ANO3: variants seen among roughly 807,000 people sequenced by gnomAD.
The protein encoded by ANO3 is anoctamin-3.
In ANO3, 99 loss-of-function variants were observed where a neutral mutation model predicts 144.8. That is an observed-to-expected ratio of 0.68 (90% CI 0.58 to 0.81). The LOEUF is 0.81. ANO3 is among the 30% of genes least tolerant of loss of function. The pLI is 0.00. For synonymous variants in ANO3, 414 were observed against 392.6 expected, an observed-to-expected ratio of 1.05 and a Z score of -0.64; for missense variants, 905 against 1,202.2, an observed-to-expected ratio of 0.75 and a Z score of 3.66.
At chr11:26,392,682 A>T (rs1311114193) in intron 1 of ANO3, among the ~76,000 whole-genome samples, 1 of 152,122 alleles carries the variant, frequency 6.6e-6, no homozygotes, top group African/African-American at 2.4e-5. Flanking sequence ...CTATAAAATG[A>T]CCTTTATCTT....
At chr11:26,647,915 T>A in intron 24 of ANO3, 59 bp downstream of exon 24, 3 of 1,512,430 alleles carry the variant, frequency 2.0e-6, no homozygotes, top group Non-Finnish European at 2.7e-6. Flanking sequence ...TAAAATAGGA[T>A]CTTACTGGGA....
At chr11:26,480,044 G>C (rs1384112821) in intron 4 of ANO3, among the ~76,000 whole-genome samples, 3 of 152,168 alleles carry the variant, frequency 2.0e-5, no homozygotes, top group Non-Finnish European at 2.9e-5. Context: ...ATGTGCAGGG[G>C]CCAAAGCAAG....
intron 17 of ANO3, among the ~76,000 whole-genome samples, chr11:26,613,103 C>T (rs1473053180): frequency 6.6e-6 from 1 of 152,068 alleles, no homozygotes; most frequent in Non-Finnish European, 1.5e-5. Context: ...TCTTTCTCCA[C>T]CTCTTCTCTC....
intron 3 of ANO3, among the ~76,000 whole-genome samples, chr11:26,449,406 G>T (rs555541944): frequency 3.9e-4 from 60 of 152,014 alleles, no homozygotes; most frequent in African/African-American, 1.4e-3. Context: ...GGTGCTTAAA[G>T]AATACTTTTA....
intron 9 of ANO3, among the ~76,000 whole-genome samples, chr11:26,536,793 G>A (rs1309592146): frequency 6.6e-6 from 1 of 152,026 alleles, no homozygotes; most frequent in Non-Finnish European, 1.5e-5. Context: ...TTTTGGATAT[G>A]TAATTATTTC....
At chr11:26,407,068 G>GTATATATATATATATATATATA (rs760132418) in intron 1 of ANO3, among the ~76,000 whole-genome samples, 9 of 96,466 alleles carry the variant, frequency 9.3e-5, no homozygotes, top group Non-Finnish European at 1.6e-4. Context: ...GTGTGTGTGT[G>GTATATATATATATATATATATA]TGTGTGTGTA....
intron 26 of ANO3, 136 bp from the exon 27 acceptor site, chr11:26,660,126 A>G (rs965909632): frequency 1.4e-6 from 1 of 693,226 alleles, no homozygotes; most frequent in Non-Finnish European, 2.3e-6. Flanking sequence ...TTTTGAAAAT[A>G]TTAATATTCT....
chr11:26,457,081 G>C lies in ANO3; in HGVS notation c.314-5949G>C, dbSNP rs369663177. On this transcript the variant is annotated intron_variant, in intron 3 of 26. Coordinates refer to ENST00000256737, the MANE Select transcript of ANO3 (RefSeq NM_031418.4). ...CACACTCTGGGGACTGTTGTGGGGTGGGGGGAGGGGGGAGGGATAGCATTG... is the reference window on the plus strand; with the variant it reads ...CACACTCTGGGGACTGTTGTGGGGTCGGGGGAGGGGGGAGGGATAGCATTG... Among the ~76,000 whole-genome samples the C allele has an allele frequency of 1.6e-4, 19 of 120,846 alleles. No individual in the cohort carries two copies. In the East Asian group the frequency reaches 5.0e-3, roughly 32 times the overall value. The allele number at this position is 120,846 out of a possible 152,430, so 79.3% of individuals were successfully genotyped here. A position where few individuals can be genotyped will look rare whatever the true frequency, so the allele number is the denominator to read the frequency against.
chr11:26,599,468 C>T, intron 16 of ANO3, 82 bp from the exon 17 acceptor site: 1 of 1,353,564 alleles, frequency 7.4e-7, no homozygotes, highest in Admixed American at 1.9e-5. Flanking sequence ...TTCTTGGGGA[C>T]AGTAGATTTG....
intron 6 of ANO3, among the ~76,000 whole-genome samples, chr11:26,517,241 C>T (rs967336364): frequency 4.5e-4 from 68 of 151,922 alleles, no homozygotes; most frequent in African/African-American, 1.6e-3. Flanking sequence ...GGGCAGAACT[C>T]TTTTTAGTTT....
At chr11:26,332,070 CCGGA>C, upstream of ANO3, 1 of 1,421,884 alleles carries the variant, frequency 7.0e-7, no homozygotes, top group South Asian at 1.5e-5. Context: ...CTAAGGGGAG[CCGGA>C]CGCTAGACCG....
intron 1 of ANO3, among the ~76,000 whole-genome samples, chr11:26,389,275 C>T (rs1253313390): frequency 6.6e-6 from 1 of 152,010 alleles, no homozygotes; most frequent in African/African-American, 2.4e-5. Flanking sequence ...GGTCAAATGC[C>T]AGCTCCACTA....
chr11:26,429,842 T>A (rs1231991794), intron 1 of ANO3, among the ~76,000 whole-genome samples: 5 of 152,170 alleles, frequency 3.3e-5, no homozygotes, highest in African/African-American at 1.2e-4. Context: ...AGTACCTGTC[T>A]TCATAAAATA....
intron 12 of ANO3, among the ~76,000 whole-genome samples, chr11:26,551,503 A>T (rs1476397956): frequency 6.6e-6 from 1 of 152,026 alleles, no homozygotes; most frequent in Non-Finnish European, 1.5e-5. Flanking sequence ...AATGTTGAGT[A>T]ACTTTCAGAA....
chr11:26,517,184 CTT>C (rs1421067411), intron 6 of ANO3, among the ~76,000 whole-genome samples: 3 of 151,932 alleles, frequency 2.0e-5, no homozygotes, highest in Non-Finnish European at 4.4e-5. Flanking sequence ...TCAATTTTAA[CTT>C]ACAACAATTC....
At chr11:26,308,909 C>A (rs1400779322), upstream of ANO3, among the ~76,000 whole-genome samples, 1 of 152,112 alleles carries the variant, frequency 6.6e-6, no homozygotes, top group Non-Finnish European at 1.5e-5. Context: ...TACAGCATTT[C>A]AAGGTAGTTC....
chr11:26,273,520 G>T (rs1436309779), intron 1 of ANO3, among the ~76,000 whole-genome samples: 1 of 151,980 alleles, frequency 6.6e-6, no homozygotes, highest in Non-Finnish European at 1.5e-5. Context: ...AAACCATCAA[G>T]CCTCAAACAA....
chr11:26,451,759 T>C (rs1419240672), intron 3 of ANO3, among the ~76,000 whole-genome samples: 1 of 152,164 alleles, frequency 6.6e-6, no homozygotes, highest in Non-Finnish European at 1.5e-5. Flanking sequence ...CAGCTGGAGA[T>C]CTGAGAACAG....
intron 1 of ANO3, among the ~76,000 whole-genome samples, chr11:26,212,069 G>A (rs967815902): frequency 3.3e-5 from 5 of 152,090 alleles, no homozygotes; most frequent in African/African-American, 1.2e-4. Context: ...GTGGTGGGGG[G>A]ATAGGGAAGG....
Sources: gnomAD v4.1 joint callset for allele counts (sites outside exome capture counted in the v4.1 genomes callset) on GRCh38, gnomAD v4.1.1 for gene constraint, MANE v1.5 for transcripts, NCBI Gene and HGNC (gene_info 2026-07-23, HGNC 2026-07-21) for gene names.